PTCHD4: variants seen among roughly 807,000 people sequenced by gnomAD.
The protein encoded by PTCHD4 is patched domain containing 4.
Under a neutral mutation model 58.1 loss-of-function variants are expected in PTCHD4, and 33 were observed. The observed-to-expected ratio is 0.57, with a 90% CI of 0.43 to 0.76. PTCHD4 has a LOEUF of 0.76. PTCHD4 is among the 30% of genes least tolerant of loss of function. The probability of loss-of-function intolerance (pLI) is 0.00; values close to 1 mark genes in which losing one functional copy is unlikely to be tolerated. For missense variants in PTCHD4, 1,058 were observed against 1,027.1 expected (o/e 1.03, Z -0.41); for synonymous variants, 478 against 409.6 (o/e 1.17, Z -2.02).
intron 4 of PTCHD4, among the ~76,000 whole-genome samples, chr6:47,966,433 A>G (rs1365401095): frequency 6.6e-6 from 1 of 152,176 alleles, no homozygotes; most frequent in Non-Finnish European, 1.5e-5. Flanking sequence ...GCCTTGCCTC[A>G]ATGTTGATGG....
chr6:48,075,834 CTTGATG>C (rs1430490770), intron 1 of PTCHD4, among the ~76,000 whole-genome samples: 1 of 152,166 alleles, frequency 6.6e-6, no homozygotes, highest in African/African-American at 2.4e-5. Flanking sequence ...AAGGTCGTGC[CTTGATG>C]TTGATGGCAG....
intron 3 of PTCHD4, among the ~76,000 whole-genome samples, chr6:48,052,957 A>G (rs1377555141): frequency 6.6e-6 from 1 of 152,164 alleles, no homozygotes; most frequent in Non-Finnish European, 1.5e-5. Flanking sequence ...TACTGACCCA[A>G]GAAGGGCACT....
rs1763769530 is a variant in PTCHD4, at chr6:47,873,441, G to A, written c.*4862C>T. 6.6e-6 allele frequency among the ~76,000 whole-genome samples: 1 copy of A among 151,574 alleles called. No individual in the cohort carries two copies. The highest frequency in any genetic ancestry group is 1.5e-5 in the Non-Finnish European group (1 of 67,728). On this transcript the variant is annotated 3_prime_UTR_variant, in exon 5 of 5. Transcript: ENST00000339488. ...TCAAACACAGAACACCACCTCTTGTGCTCCTAAGTTAAACGTGATGGTGGA... is the reference window on the plus strand; with the variant it reads ...TCAAACACAGAACACCACCTCTTGTACTCCTAAGTTAAACGTGATGGTGGA...
At chr6:47,898,159 T>A (rs757565881) in intron 4 of PTCHD4, among the ~76,000 whole-genome samples, 83 of 151,994 alleles carry the variant, frequency 5.5e-4, no homozygotes, top group Non-Finnish European at 1.8e-4. Flanking sequence ...TTAGCCAGGA[T>A]GGTCTCGATA....
At chr6:48,032,316 T>C (rs1444607653) in intron 3 of PTCHD4, among the ~76,000 whole-genome samples, 1 of 152,130 alleles carries the variant, frequency 6.6e-6, no homozygotes, top group African/African-American at 2.4e-5. Context: ...TTGAATATGC[T>C]AAGAATTATT....
intron 4 of PTCHD4, among the ~76,000 whole-genome samples, chr6:47,903,339 C>G (rs1370373271): frequency 1.3e-5 from 2 of 151,752 alleles, no homozygotes; most frequent in Non-Finnish European, 2.9e-5. Context: ...TTTTTTGAGA[C>G]AGGATCTCCC....
intron 1 of PTCHD4, among the ~76,000 whole-genome samples, chr6:48,085,764 A>G (rs1765251616): frequency 6.6e-6 from 1 of 152,184 alleles, no homozygotes; most frequent in South Asian, 2.1e-4. Context: ...TTTTGAAGAA[A>G]TTCTGTCATG....
intron 3 of PTCHD4, among the ~76,000 whole-genome samples, chr6:48,016,326 T>G (rs1762868549): frequency 6.6e-6 from 1 of 152,014 alleles, no homozygotes; most frequent in South Asian, 2.1e-4. Flanking sequence ...TTAATTATCC[T>G]TCAATACAAA....
intron 4 of PTCHD4, among the ~76,000 whole-genome samples, chr6:47,989,621 T>C (rs867259865): frequency 6.6e-6 from 1 of 152,306 alleles, no homozygotes; most frequent in African/African-American, 2.4e-5. Flanking sequence ...GCCCCAAGCC[T>C]TGGCAGCTTC....
intron 1 of PTCHD4, among the ~76,000 whole-genome samples, chr6:48,099,327 T>C (rs1481264858): frequency 6.6e-6 from 1 of 152,190 alleles, no homozygotes; most frequent in Non-Finnish European, 1.5e-5. Flanking sequence ...CTAGCCACTT[T>C]AGGAATTTCT....
At chr6:47,904,047 G>C (rs915122741) in intron 4 of PTCHD4, among the ~76,000 whole-genome samples, 10 of 152,220 alleles carry the variant, frequency 6.6e-5, no homozygotes, top group African/African-American at 2.2e-4. Flanking sequence ...GTGGCCCAAA[G>C]CCCGGGTGGC....
rs922226439 is a variant in PTCHD4, at chr6:48,059,665, C to T, written c.417+8565G>A. On this transcript the variant is annotated intron_variant, in intron 3 of 4. Coordinates refer to ENST00000339488, the MANE Select transcript of PTCHD4 (RefSeq NM_001384253.1). ...AAACAAACAAACAAACAAAAAAGTA[C>T]CTAAAGTCATAGACTTAATGGGGGT... Among the ~76,000 whole-genome samples the T allele has an allele frequency of 2.0e-5, 3 of 148,676 alleles. No individual in the cohort carries two copies. In the East Asian group the frequency reaches 5.8e-4, roughly 29 times the overall value.
chr6:47,898,089 C>T (rs923228185), intron 4 of PTCHD4, among the ~76,000 whole-genome samples: 2 of 151,648 alleles, frequency 1.3e-5, no homozygotes, highest in Non-Finnish European at 1.5e-5. Flanking sequence ...GGACTACAGG[C>T]GTGTGCCACC....
At chr6:48,041,782 T>C (rs1265919206) in intron 3 of PTCHD4, among the ~76,000 whole-genome samples, 2 of 152,062 alleles carry the variant, frequency 1.3e-5, no homozygotes, top group Non-Finnish European at 1.5e-5. Context: ...ATTTGAAGTT[T>C]AACCGTAATT....
In PTCHD4 at chr6:48,000,190, A is replaced by T. The variant is rs115627155; in HGVS notation, c.898+8444T>A. ...GGTGGCAAAGAGGTCTTCCTGACCC[A>T]CATCAAACTGAGAGACAAACAAGAA... On this transcript the variant is annotated intron_variant, in intron 4 of 4. Transcript: ENST00000339488. Among the ~76,000 whole-genome samples, 413 of 152,336 alleles carry T rather than the reference A, an allele frequency of 2.7e-3. 1 individual carries two copies. The highest frequency in any genetic ancestry group is 9.2e-3 in the African/African-American group (384 of 41,586).
chr6:48,107,592 T>G (rs1195769084), intron 1 of PTCHD4, among the ~76,000 whole-genome samples: 1 of 151,804 alleles, frequency 6.6e-6, no homozygotes, highest in Non-Finnish European at 1.5e-5. Context: ...AAGCCAAAAT[T>G]GACAAATGGG....
intron 1 of PTCHD4, among the ~76,000 whole-genome samples, chr6:48,109,162 C>A (rs1765809492): frequency 6.6e-6 from 1 of 152,008 alleles, no homozygotes; most frequent in Admixed American, 6.6e-5. Flanking sequence ...TTTGTGAATT[C>A]AAATCATCTT....
At chr6:47,995,420 A>G (rs138631208) in intron 4 of PTCHD4, among the ~76,000 whole-genome samples, 8 of 152,346 alleles carry the variant, frequency 5.3e-5, no homozygotes, top group African/African-American at 1.9e-4. Context: ...CTTCTGAATA[A>G]TAACTGGTCT....
chr6:47,968,434 G>C (rs1581949598), intron 4 of PTCHD4, among the ~76,000 whole-genome samples: 1 of 152,220 alleles, frequency 6.6e-6, no homozygotes, highest in Non-Finnish European at 1.5e-5. Context: ...ACAGATACAT[G>C]AAATGAACAC....
Sources: gnomAD v4.1 joint callset for allele counts (sites outside exome capture counted in the v4.1 genomes callset) on GRCh38, gnomAD v4.1.1 for gene constraint, MANE v1.5 for transcripts, NCBI Gene and HGNC (gene_info 2026-07-23, HGNC 2026-07-21) for gene names.